ERC1: variants seen among roughly 807,000 people sequenced by gnomAD.
ERC1 encodes ELKS/RAB6-interacting/CAST family member 1.
A neutral mutation model predicts 132.0 loss-of-function variants in ERC1; 56 were observed. That is an observed-to-expected ratio of 0.42 (90% confidence interval 0.34 to 0.53). The LOEUF is 0.53. Ranked by LOEUF, ERC1 falls within the 20% of genes least tolerant of loss-of-function variation. ERC1 has a pLI of 0.03. For missense variants in ERC1, 1,202 were observed against 1,349.9 expected (o/e 0.89, Z 1.72); for synonymous variants, 478 against 476.1 (o/e 1.00, Z -0.05).
chr12:1,312,390 T>C (rs2081370011), intron 15 of ERC1, among the ~76,000 whole-genome samples: 1 of 152,096 alleles, frequency 6.6e-6, no homozygotes, highest in Non-Finnish European at 1.5e-5. Context: ...CAATTTTTTT[T>C]TTCCTCTGTC....
intron 16 of ERC1, among the ~76,000 whole-genome samples, chr12:1,378,939 A>G (rs1368895758): frequency 6.6e-6 from 1 of 152,204 alleles, no homozygotes; most frequent in Non-Finnish European, 1.5e-5. Context: ...CAAATACACT[A>G]TCAAAGGGAA....
At chr12:1,463,249 G>C (rs2093676470) in intron 18 of ERC1, among the ~76,000 whole-genome samples, 2 of 152,150 alleles carry the variant, frequency 1.3e-5, no homozygotes, top group Admixed American at 6.5e-5. Context: ...GAACCTAGGA[G>C]TCATCTCCCT....
intron 12 of ERC1, among the ~76,000 whole-genome samples, chr12:1,194,761 A>G (rs1418242532): frequency 6.6e-6 from 1 of 152,182 alleles, no homozygotes; most frequent in Admixed American, 6.5e-5. Flanking sequence ...GAGAATGACA[A>G]CCATCTGATT....
At chr12:1,482,046 A>G (rs1218521211) in intron 18 of ERC1, among the ~76,000 whole-genome samples, 1 of 152,158 alleles carries the variant, frequency 6.6e-6, no homozygotes, top group Non-Finnish European at 1.5e-5. Flanking sequence ...GGTGTCTGAA[A>G]CGGAACACAG....
At chr12:1,348,444 T>G (rs1220293446) in intron 15 of ERC1, among the ~76,000 whole-genome samples, 1 of 152,108 alleles carries the variant, frequency 6.6e-6, no homozygotes, top group African/African-American at 2.4e-5. Flanking sequence ...CTCAGCACTT[T>G]GGGAGGCCGA....
chr12:1,274,788 G>C (rs1257801737), intron 14 of ERC1, among the ~76,000 whole-genome samples: 3 of 152,198 alleles, frequency 2.0e-5, no homozygotes, highest in Admixed American at 2.0e-4. Context: ...ACCGTGCCTA[G>C]CTGGAGGGCA....
Position 1,054,616 on chromosome 12 carries a change from A to T in ERC1, c.669+26044A>T, listed in dbSNP as rs756966010. Among the ~76,000 whole-genome samples, 134 of 151,980 alleles carry T rather than the reference A, an allele frequency of 8.8e-4. 2 individuals carry two copies. Among genetic ancestry groups the T allele is most frequent in the Non-Finnish European group, 8.5e-4 (58 of 68,016 alleles). On this transcript the variant is annotated intron_variant, in intron 2 of 18. Coordinates refer to ENST00000360905, the MANE Select transcript of ERC1 (RefSeq NM_178040.4). ...ATTATCTGGGATGGCATGCTTTGTG[A>T]GTATCTGTATGGTTTCCCAATGAGA...
intron 16 of ERC1, among the ~76,000 whole-genome samples, chr12:1,400,352 T>C (rs2090913009): frequency 6.6e-6 from 1 of 152,222 alleles, no homozygotes; most frequent in Admixed American, 6.5e-5. Flanking sequence ...ATAAATATGT[T>C]CTCCCATCCT....
intron 2 of ERC1, among the ~76,000 whole-genome samples, chr12:1,076,311 T>G (rs1469288893): frequency 6.6e-6 from 1 of 152,172 alleles, no homozygotes; most frequent in Non-Finnish European, 1.5e-5. Context: ...AACATTTTTA[T>G]TAGGACTGTG....
intron 14 of ERC1, among the ~76,000 whole-genome samples, chr12:1,288,935 C>G (rs1341721737): frequency 6.6e-6 from 1 of 151,624 alleles, no homozygotes; most frequent in African/African-American, 2.4e-5. Flanking sequence ...TTACCTTGCT[C>G]TCTTAGTTTC....
At chr12:1,361,682 TG>T (rs2086138805) in intron 15 of ERC1, among the ~76,000 whole-genome samples, 2 of 152,208 alleles carry the variant, frequency 1.3e-5, no homozygotes, top group African/African-American at 2.4e-5. Flanking sequence ...TTCATGAAAG[TG>T]CCTCCAGGAA....
chr12:1,486,110 G>A lies in ERC1; in HGVS notation c.3214-3983G>A, dbSNP rs543420251. On this transcript the variant is annotated intron_variant, in intron 18 of 18. Transcript: ENST00000360905. ...TCTAATTATTGTACTTTTATGGCAT[G>A]TTTTGTTTGGTAAAGCAAGTCTTAA... Among the ~76,000 whole-genome samples the A allele has an allele frequency of 1.5e-3, 235 of 152,248 alleles. 1 individual carries two copies. The highest frequency in any genetic ancestry group is 5.4e-3 in the African/African-American group (226 of 41,558).
chr12:1,488,739 CT>C (rs1402021105), intron 18 of ERC1, among the ~76,000 whole-genome samples: 1 of 152,154 alleles, frequency 6.6e-6, no homozygotes, highest in African/African-American at 2.4e-5. Flanking sequence ...CTGCTGTCTC[CT>C]TCGTTCTTGG....
chr12:997,719 G>A (rs1276544458), intron 1 of ERC1, among the ~76,000 whole-genome samples: 1 of 152,208 alleles, frequency 6.6e-6, no homozygotes, highest in Non-Finnish European at 1.5e-5. Context: ...TTACGTAAGG[G>A]TTTGGGAATA....
intron 12 of ERC1, among the ~76,000 whole-genome samples, chr12:1,205,237 A>G (rs1957247427): frequency 6.6e-6 from 1 of 152,124 alleles, no homozygotes; most frequent in African/African-American, 2.4e-5. Flanking sequence ...GCATTTAAAA[A>G]GTTACTTATT....
At chr12:1,075,648 G>A (rs1284829369) in intron 2 of ERC1, among the ~76,000 whole-genome samples, 1 of 151,876 alleles carries the variant, frequency 6.6e-6, no homozygotes, top group African/African-American at 2.4e-5. Context: ...CTGAGATTGT[G>A]CCATTGCACT....
At chr12:1,122,541 ATCTGTG>A (rs1310543149) in intron 7 of ERC1, among the ~76,000 whole-genome samples, 1,163 of 22,622 alleles carry the variant, frequency 0.051, 110 homozygotes, top group Middle Eastern at 0.095. Context: ...CTCTATCTCT[ATCTGTG>A]TCTCTATCTC....
intron 12 of ERC1, among the ~76,000 whole-genome samples, chr12:1,229,754 A>AT (rs1218776297): frequency 2.6e-5 from 4 of 152,064 alleles, no homozygotes; most frequent in Non-Finnish European, 4.4e-5. Context: ...ACAAACAACT[A>AT]TTATGTTGAT....
intron 12 of ERC1, among the ~76,000 whole-genome samples, chr12:1,220,016 C>G: frequency 6.6e-6 from 1 of 152,204 alleles, no homozygotes; most frequent in Non-Finnish European, 1.5e-5. Context: ...AACCCCACCA[C>G]AACCTCCCCT....
Sources: allele counts gnomAD v4.1 joint callset (sites outside exome capture counted in the v4.1 genomes callset), GRCh38; gene constraint gnomAD v4.1.1; transcripts MANE v1.5; gene names NCBI Gene and HGNC (gene_info 2026-07-23, HGNC 2026-07-21).